The following HEY2 variants were observed in gnomAD, a reference collection of about 807,000 sequenced individuals.
HEY2 encodes the protein hairy/enhancer-of-split related with YRPW motif protein 2.
Under a neutral mutation model 18.1 loss-of-function variants are expected in HEY2, and 10 were observed. The observed-to-expected ratio is 0.55, with a 90% CI of 0.34 to 0.94. HEY2 has a LOEUF of 0.94. Among genes scored for constraint, HEY2 ranks in the 40% least tolerant of loss-of-function variants. The pLI is 0.02. For missense variants in HEY2, 455 were observed against 455.9 expected (o/e 1.00, Z 0.02); for synonymous variants, 210 against 182.7 (o/e 1.15, Z -1.21).
rs1322680886 is a variant in HEY2 at position 125,749,641 on chromosome 6, G to T, written c.-136G>T. On this transcript the variant is annotated 5_prime_UTR_variant, in exon 1 of 5. Coordinates refer to ENST00000368364, the MANE Select transcript of HEY2 (RefSeq NM_012259.3). ...CAGAGTTGCGGCGTGGGAAAGAGCC[G>T]CTAGGAGCAGACCGCGCCGCCGCCG... is the stretch of plus-strand genomic sequence containing the variant. 3 of 503,884 alleles carry T rather than the reference G, an allele frequency of 6.0e-6. No homozygotes were observed. The highest frequency in any genetic ancestry group is 8.8e-5 in the Admixed American group (2 of 22,764). 31.2% of individuals were successfully genotyped at this position (503,884 alleles called of 1,614,324 possible).
intron 3 of HEY2, among the ~76,000 whole-genome samples, chr6:125,753,764 A>G (rs1400807995): frequency 6.6e-6 from 1 of 152,202 alleles, no homozygotes; most frequent in Non-Finnish European, 1.5e-5. Flanking sequence ...AGGTTCAAAA[A>G]TCCTTAAGCA....
Position 125,754,563 on chromosome 6 carries a change from A to G in HEY2, c.328+17A>G. 9.1e-7 allele frequency: 1 copy of G among 1,102,760 alleles called. No individual in the cohort carries two copies. Among genetic ancestry groups the G allele is most frequent in the South Asian group, 1.7e-5 (1 of 60,030 alleles). 68.3% of individuals were successfully genotyped at this position (1,102,760 alleles called of 1,614,324 possible). On this transcript the variant is annotated intron_variant, in intron 4 of 4. Coordinates refer to ENST00000368364, the MANE Select transcript of HEY2 (RefSeq NM_012259.3). ...GGGGTAAAGGTAAGTAGATGACTTC[A>G]TTTTTTTTTTTTTTTGCCTTTTTTA...
At chr6:125,756,674 G>A (rs1344791230) in intron 4 of HEY2, among the ~76,000 whole-genome samples, 1 of 152,218 alleles carries the variant, frequency 6.6e-6, no homozygotes, top group Non-Finnish European at 1.5e-5. Context: ...CGTATCTGTA[G>A]CTGGATTGCC....
At position 125,761,098 on chromosome 6, in the gene HEY2, A is replaced by G. The variant is rs1035671003; in HGVS notation, c.*1296A>G. The G allele has an allele frequency of 6.6e-6, 1 of 152,632 alleles. No individual in the cohort carries two copies. Among genetic ancestry groups the G allele is most frequent in the African/African-American group, 2.4e-5 (1 of 41,442 alleles). 9.5% of individuals were successfully genotyped at this position (152,632 alleles called of 1,614,324 possible). On this transcript the variant is annotated 3_prime_UTR_variant, in exon 5 of 5. Coordinates refer to ENST00000368364, the MANE Select transcript of HEY2 (RefSeq NM_012259.3). ...CATGTATTATGCACTTCATTTCTCTACTGTGTGGAGAAAGCAATAAACATT... is the reference window on the plus strand; with the variant it reads ...CATGTATTATGCACTTCATTTCTCTGCTGTGTGGAGAAAGCAATAAACATT...
Position 125,761,120 on chromosome 6 carries a change from CATT to C in HEY2, c.*1321_*1323del, listed in dbSNP as rs3839542. ...TCTACTGTGTGGAGAAAGCAATAAA[CATT>C]ATGAGAATGTTAAACGTTATGCAAA... On this transcript the variant is annotated 3_prime_UTR_variant, in exon 5 of 5. Transcript: ENST00000368364. 9.9e-3 allele frequency: 1,515 copies of C among 152,662 alleles called. 13 individuals carry two copies. Among genetic ancestry groups the C allele is most frequent in the Middle Eastern group, 0.027 (8 of 294 alleles). 9.5% of individuals were successfully genotyped at this position (152,662 alleles called of 1,614,324 possible). A position where few individuals can be genotyped will look rare whatever the true frequency, so the allele number is the denominator to read the frequency against.
At chr6:125,750,521 G>A in intron 1 of HEY2, 1 of 456,888 alleles carries the variant, frequency 2.2e-6, no homozygotes, top group Non-Finnish European at 2.9e-6. Context: ...AGCCAAGGCG[G>A]GTCAAATGAT....
At chr6:125,752,807 AC>A (rs1773580230) in intron 3 of HEY2, among the ~76,000 whole-genome samples, 1 of 152,238 alleles carries the variant, frequency 6.6e-6, no homozygotes, top group Admixed American at 6.5e-5. Flanking sequence ...GTGGTTAATG[AC>A]ACAGATTTCT....
chr6:125,750,790 G>A (rs896573181), intron 1 of HEY2, among the ~76,000 whole-genome samples: 1 of 152,174 alleles, frequency 6.6e-6, no homozygotes, highest in Non-Finnish European at 1.5e-5. Flanking sequence ...CGTGAAAGGT[G>A]AAACCCGTAA....
Position 125,753,614 on chromosome 6 carries a change from A to G in HEY2, c.247-851A>G, listed in dbSNP as rs992002558. 2.6e-5 allele frequency among the ~76,000 whole-genome samples: 4 copies of G among 152,194 alleles called. No homozygotes were observed. In the East Asian group the frequency reaches 5.8e-4, roughly 22 times the overall value. ...TGGTAATTATTTAGCTCTTCCAGGA[A>G]ATGAGAAGCCACCCACAGTCCCCGA... On this transcript the variant is annotated intron_variant, in intron 3 of 4. Coordinates refer to ENST00000368364, the MANE Select transcript of HEY2 (RefSeq NM_012259.3).
chr6:125,749,680 C>T lies in HEY2; in HGVS notation c.-97C>T. 2.4e-6 allele frequency: 2 copies of T among 819,088 alleles called. No individual in the cohort carries two copies. The highest frequency in any genetic ancestry group is 3.6e-6 in the Non-Finnish European group (2 of 549,940). The allele number at this position is 819,088 out of a possible 1,614,324, so 50.7% of individuals were successfully genotyped here. On this transcript the variant is annotated 5_prime_UTR_variant, in exon 1 of 5. Coordinates refer to ENST00000368364, the MANE Select transcript of HEY2 (RefSeq NM_012259.3). ...GCGCCGCCGCCGGAGCCGCGCCTGC[C>T]CAGGCCCGGGGAGGGAGGAGGCGGG... is the stretch of plus-strand genomic sequence containing the variant.
chr6:125,759,907 CA>C lies in HEY2; in HGVS notation c.*108del, dbSNP rs1264304903. On this transcript the variant is annotated 3_prime_UTR_variant, in exon 5 of 5. Coordinates refer to ENST00000368364, the MANE Select transcript of HEY2 (RefSeq NM_012259.3). The stretch of plus-strand genomic sequence containing the variant: ...AGCCATACAGATGCCGACAGATCCA[CA>C]AAGGAACAATAAAGCTATTTGAGAC... The C allele has an allele frequency of 2.2e-5, 19 of 853,254 alleles. No homozygotes were observed. Among genetic ancestry groups the C allele is most frequent in the Non-Finnish European group, 3.2e-5 (18 of 554,230 alleles). 52.9% of individuals were successfully genotyped at this position (853,254 alleles called of 1,614,324 possible).
rs1347013659 is a variant in HEY2 at position 125,759,458 on chromosome 6, T to C, written c.670T>C (p.Ser224Pro). ...TTSEVPPAHGSALLTATFAHA... is the reference protein window; with the variant it reads ...TTSEVPPAHGPALLTATFAHA... ...TTCAGAAGTGCCTCCTGCCCACGGC[T>C]CTGCTCTCCTCACGGCCACGTTTGC... Residue 224 changes from serine to proline, a missense_variant, in exon 5 of 5, where the codon TCT becomes CCT. Coordinates refer to ENST00000368364, the MANE Select transcript of HEY2 (RefSeq NM_012259.3). 1 of 1,611,536 alleles carries C rather than the reference T, an allele frequency of 6.2e-7. No individual in the cohort carries two copies. The highest frequency in any genetic ancestry group is 2.2e-5 in the East Asian group (1 of 44,890).
chr6:125,751,894 C>T lies in HEY2; in HGVS notation c.162+15C>T. On this transcript the variant is annotated intron_variant, in intron 2 of 4. Transcript: ENST00000368364. The stretch of plus-strand genomic sequence containing the variant: ...AAAGGAGAGGGGTATGTGATTTTTC[C>T]CCCTTTTTATTTCATGTAACTTATA... The T allele has an allele frequency of 6.2e-7, 1 of 1,605,848 alleles. No homozygotes were observed. Among genetic ancestry groups the T allele is most frequent in the Non-Finnish European group, 8.5e-7 (1 of 1,173,438 alleles).
rs1256781467 is a variant in HEY2, at chr6:125,759,389, G to A, written c.601G>A (p.Gly201Ser). Reference protein sequence around the residue: ...HLPAALLQPNGLHASESTPCR... With the variant: ...HLPAALLQPNSLHASESTPCR... ...GCCCGCAGCCCTGCTCCAGCCCAAC[G>A]GCCTCCATGCCTCAGAGTCAACCCC... The change falls in exon 5 of 5, where the codon GGC (glycine) becomes AGC (serine). Residue 201 changes from glycine to serine, a missense_variant. Transcript: ENST00000368364. 3.1e-6 allele frequency: 5 copies of A among 1,608,488 alleles called. No homozygotes were observed. Among genetic ancestry groups the A allele is most frequent in the South Asian group, 1.1e-5 (1 of 90,922 alleles).
In HEY2 at chr6:125,759,690, C is replaced by T; in HGVS notation, c.902C>T (p.Thr301Ile). 2 of 1,612,944 alleles carry T rather than the reference C, an allele frequency of 1.2e-6. No homozygotes were observed. Among genetic ancestry groups the T allele is most frequent in the Non-Finnish European group, 1.7e-6 (2 of 1,180,020 alleles). ...GCAGCAGCAGCAGTGGCCGCGGCCA[C>T]AGCCATCAGCCCGCCCTTGTCAGTA... Reference protein sequence around the residue: ...PNAAAAVAAATAISPPLSVSA... With the variant: ...PNAAAAVAAAIAISPPLSVSA... Residue 301 changes from threonine (T) to isoleucine (I), a missense_variant, in exon 5 of 5, where the codon ACA becomes ATA. Thr to Ile is a moderately conservative substitution (Grantham distance 89, BLOSUM62 -1). Transcript: ENST00000368364.
At position 125,759,578 on chromosome 6, in the gene HEY2, G is replaced by T; in HGVS notation, c.790G>T (p.Val264Phe). Residue 264 changes from valine to phenylalanine, a missense_variant, in exon 5 of 5, where the codon GTC (valine) becomes TTC (phenylalanine). Physicochemically the swap from Val to Phe is conservative, Grantham distance 50. Transcript: ENST00000368364. ...CTCTCTCTTGTCCCTCTCTGCCACCGTCCACGCCGCAGCCGCAGCAGCCAC... is the reference window on the plus strand; with the variant it reads ...CTCTCTCTTGTCCCTCTCTGCCACCTTCCACGCCGCAGCCGCAGCAGCCAC... ...STSLLSLSAT[V>F]HAAAAAATAA... is the part of the protein sequence containing the mutation. 6.2e-7 allele frequency: 1 copy of T among 1,610,426 alleles called. No individual in the cohort carries two copies.
At chr6:125,753,879 AGTC>A (rs899698866) in intron 3 of HEY2, among the ~76,000 whole-genome samples, 5 of 152,196 alleles carry the variant, frequency 3.3e-5, no homozygotes, top group Non-Finnish European at 7.3e-5. Context: ...AAACCTTAAA[AGTC>A]GTCCTTTTTA....
intron 4 of HEY2, among the ~76,000 whole-genome samples, chr6:125,757,304 C>T (rs1212134213): frequency 6.6e-6 from 1 of 152,190 alleles, no homozygotes; most frequent in Non-Finnish European, 1.5e-5. Context: ...TCCATGAATA[C>T]CTCTTCTTCA....
At position 125,760,081 on chromosome 6, in the gene HEY2, G is replaced by C. The variant is rs545959653; in HGVS notation, c.*279G>C. 2.6e-5 allele frequency: 12 copies of C among 457,236 alleles called. No homozygotes were observed. The South Asian group carries it at 2.9e-4, about 11-fold the overall frequency. The allele number at this position is 457,236 out of a possible 1,614,324, so 28.3% of individuals were successfully genotyped here. A position where few individuals can be genotyped will look rare whatever the true frequency, so the allele number is the denominator to read the frequency against. On this transcript the variant is annotated 3_prime_UTR_variant, in exon 5 of 5. Coordinates refer to ENST00000368364, the MANE Select transcript of HEY2 (RefSeq NM_012259.3). The stretch of plus-strand genomic sequence containing the variant: ...AAGTTTCCTGGAAAATATATGGACC[G>C]TACCATCCAGCAGTGCATCAGTATG...
Sources: allele counts gnomAD v4.1 joint callset (sites outside exome capture counted in the v4.1 genomes callset), GRCh38; gene constraint gnomAD v4.1.1; transcripts MANE v1.5; gene names NCBI Gene and HGNC (gene_info 2026-07-23, HGNC 2026-07-21).